TRIM44: variants seen among roughly 807,000 people sequenced by gnomAD.
TRIM44 encodes tripartite motif-containing protein 44.
In TRIM44, 13 loss-of-function variants were observed where a neutral mutation model predicts 37.4. The observed-to-expected ratio is 0.35, with a 90% CI of 0.23 to 0.55. TRIM44 has a LOEUF of 0.55. TRIM44 is among the 20% of genes least tolerant of loss of function. TRIM44 has a pLI of 0.89. For missense variants in TRIM44, 426 were observed against 437.2 expected (o/e 0.97, Z 0.23); for synonymous variants, 175 against 157.2 (o/e 1.11, Z -0.85).
intron 2 of TRIM44, among the ~76,000 whole-genome samples, chr11:35,685,825 T>C (rs1851570023): frequency 6.6e-6 from 1 of 152,076 alleles, no homozygotes; most frequent in Non-Finnish European, 1.5e-5. Flanking sequence ...CACCATGCCC[T>C]GCTAATTTTT....
At chr11:35,707,713 T>G (rs1851908947) in intron 2 of TRIM44, among the ~76,000 whole-genome samples, 1 of 147,636 alleles carries the variant, frequency 6.8e-6, no homozygotes. Flanking sequence ...TAGCCATATG[T>G]AGAAAGCTGA....
At chr11:35,753,390 TC>T (rs1228551129) in intron 4 of TRIM44, among the ~76,000 whole-genome samples, 8 of 152,336 alleles carry the variant, frequency 5.3e-5, no homozygotes, top group African/African-American at 1.7e-4. Context: ...TGACAGAGAT[TC>T]TACTCTGCCA....
chr11:35,793,253 A>G (rs1025324512), intron 4 of TRIM44, among the ~76,000 whole-genome samples: 1 of 152,076 alleles, frequency 6.6e-6, no homozygotes, highest in African/African-American at 2.4e-5. Context: ...GGCCAGGCAT[A>G]ATGGCTCACA....
chr11:35,789,940 A>G (rs536287609), intron 4 of TRIM44, among the ~76,000 whole-genome samples: 2 of 152,328 alleles, frequency 1.3e-5, no homozygotes, highest in Admixed American at 6.5e-5. Flanking sequence ...TCTAAGCCAT[A>G]AACAGGTTCT....
intron 2 of TRIM44, among the ~76,000 whole-genome samples, chr11:35,707,772 T>C (rs1172614065): frequency 2.1e-5 from 3 of 140,768 alleles, no homozygotes. Context: ...TCAAGATGGA[T>C]TAAAGACTTA....
At chr11:35,663,901 T>C in intron 1 of TRIM44, 121 bp downstream of exon 1, 1 of 1,200,632 alleles carries the variant, frequency 8.3e-7, no homozygotes, top group South Asian at 1.6e-5. Flanking sequence ...TCTTTCCAAC[T>C]TTTTGGGAGC....
chr11:35,665,589 T>G (rs1334084243), intron 1 of TRIM44, among the ~76,000 whole-genome samples: 36 of 77,070 alleles, frequency 4.7e-4, no homozygotes, highest in African/African-American at 2.1e-3. Flanking sequence ...TATATCTGTT[T>G]TTTTTTTTTT....
intron 2 of TRIM44, among the ~76,000 whole-genome samples, chr11:35,686,478 C>G (rs1011801984): frequency 7.3e-5 from 11 of 151,248 alleles, no homozygotes; most frequent in African/African-American, 2.7e-4. Context: ...AATATACATA[C>G]AAAATTTTAA....
At chr11:35,742,824 A>G (rs1005532883) in intron 4 of TRIM44, among the ~76,000 whole-genome samples, 5 of 143,414 alleles carry the variant, frequency 3.5e-5, no homozygotes, top group African/African-American at 1.0e-4. Context: ...TATAATATTA[A>G]TTATACATTA....
At chr11:35,768,019 TATAAC>T (rs1852819663) in intron 4 of TRIM44, among the ~76,000 whole-genome samples, 1 of 152,162 alleles carries the variant, frequency 6.6e-6, no homozygotes, top group Non-Finnish European at 1.5e-5. Flanking sequence ...CTGTTGCAGT[TATAAC>T]ATTCACTGAA....
At chr11:35,687,953 G>A (rs963811) in intron 2 of TRIM44, among the ~76,000 whole-genome samples, 3,862 of 152,204 alleles carry the variant, frequency 0.025, 153 homozygotes, top group East Asian at 0.21. Context: ...CTTGAAGAAG[G>A]GTGAACGTAA....
At chr11:35,721,091 G>A (rs1286038845) in intron 2 of TRIM44, among the ~76,000 whole-genome samples, 2 of 151,770 alleles carry the variant, frequency 1.3e-5, no homozygotes, top group African/African-American at 4.8e-5. Flanking sequence ...TTTAGTAGAA[G>A]TGGGTTTTCA....
intron 4 of TRIM44, among the ~76,000 whole-genome samples, chr11:35,740,186 G>A (rs1454175588): frequency 6.7e-6 from 1 of 149,034 alleles, no homozygotes; most frequent in African/African-American, 2.5e-5. Context: ...TACACTTTTG[G>A]CATCAATTTT....
At chr11:35,749,975 G>A (rs1434647919) in intron 4 of TRIM44, among the ~76,000 whole-genome samples, 1 of 152,266 alleles carries the variant, frequency 6.6e-6, no homozygotes, top group South Asian at 2.1e-4. Context: ...TGATGCAAAA[G>A]GCTGTTGGAA....
intron 2 of TRIM44, among the ~76,000 whole-genome samples, chr11:35,698,013 C>T (rs1468680232): frequency 6.6e-6 from 1 of 150,456 alleles, no homozygotes; most frequent in East Asian, 2.0e-4. Flanking sequence ...GTTCTAGATC[C>T]CTGAGGAATC....
At chr11:35,712,008 G>A (rs1851980962) in intron 2 of TRIM44, among the ~76,000 whole-genome samples, 1 of 152,180 alleles carries the variant, frequency 6.6e-6, no homozygotes. Context: ...ATTGATACCT[G>A]TTTGAGTGAT....
chr11:35,745,442 A>G (rs1465442086), intron 4 of TRIM44, among the ~76,000 whole-genome samples: 1 of 152,178 alleles, frequency 6.6e-6, no homozygotes, highest in Non-Finnish European at 1.5e-5. Context: ...TAGATTGGAA[A>G]AATTTTCTCC....
chr11:35,722,344 A>G (rs1665921775), intron 2 of TRIM44, among the ~76,000 whole-genome samples: 1 of 152,232 alleles, frequency 6.6e-6, no homozygotes, highest in Non-Finnish European at 1.5e-5. Flanking sequence ...GTCCTGACCC[A>G]GACCCCAGAG....
intron 4 of TRIM44, among the ~76,000 whole-genome samples, chr11:35,790,358 T>G (rs1279699834): frequency 1.3e-5 from 2 of 152,216 alleles, no homozygotes; most frequent in Non-Finnish European, 2.9e-5. Flanking sequence ...TGGGAGATCT[T>G]TTGAAAGTGG....
Sources: allele counts gnomAD v4.1 joint callset (sites outside exome capture counted in the v4.1 genomes callset), GRCh38; gene constraint gnomAD v4.1.1; transcripts MANE v1.5; gene names NCBI Gene and HGNC (gene_info 2026-07-23, HGNC 2026-07-21).